FGB: variants seen among roughly 807,000 people sequenced by gnomAD.
FGB encodes the protein fibrinogen beta chain, also known as beta-fibrinogen.
Under a neutral mutation model 57.9 loss-of-function variants are expected in FGB, and 25 were observed. The ratio of observed to expected loss-of-function variants is 0.43; its 90% confidence interval spans 0.31 to 0.60. The LOEUF (loss-of-function observed/expected upper bound fraction) is 0.60, where lower values mean the gene tolerates loss of function less well. FGB is among the 20% of genes least tolerant of loss of function. FGB has a pLI of 0.08. For missense variants in FGB, 536 were observed against 598.4 expected, an observed-to-expected ratio of 0.90 and a Z score of 1.09; for synonymous variants, 203 against 199.2, an observed-to-expected ratio of 1.02 and a Z score of -0.16.
chr4:154,566,509 A>G lies in FGB; in HGVS notation c.327A>G (p.Gly109=). Reference sequence around the variant, plus strand: ...TTTAGGGGGTGTTGTGTCCTACAGGATGTCAGTTGCAAGAGGCTTTGCTAC... The same window carrying G: ...TTTAGGGGGTGTTGTGTCCTACAGGGTGTCAGTTGCAAGAGGCTTTGCTAC... ...DPDLGVLCPT[G]CQLQEALLQQ... is the part of the protein sequence containing the mutation. Residue 109 remains glycine, a synonymous_variant, in exon 3 of 8, where the codon GGA becomes GGG. Transcript: ENST00000302068. 6.2e-7 allele frequency: 1 copy of G among 1,614,108 alleles called. No homozygotes were observed. Among genetic ancestry groups the G allele is most frequent in the Non-Finnish European group, 8.5e-7 (1 of 1,180,020 alleles).
At chr4:154,568,347 A>C (rs780008638) in intron 4 of FGB, 34 bp from the exon 5 acceptor site, 1 of 1,086,364 alleles carries the variant, frequency 9.2e-7, no homozygotes, top group Non-Finnish European at 1.4e-6. Context: ...TTATGTCATA[A>C]ACCCCTGAAC....
At position 154,567,642 on chromosome 4, in the gene FGB, A is replaced by C. The variant is rs747127658; in HGVS notation, c.540A>C (p.Gln180His). The change falls in exon 4 of 8, where the codon CAA becomes CAC. Residue 180 changes from glutamine (Q) to histidine (H), a missense_variant. Coordinates refer to ENST00000302068, the MANE Select transcript of FGB (RefSeq NM_005141.5). ...NEYSSELEKH[Q>H]LYIDETVNSN... ...ACTCCTCAGAACTGGAAAAGCACCA[A>C]TTATATATAGATGAGACTGTGAATA... 5 of 1,613,070 alleles carry C rather than the reference A, an allele frequency of 3.1e-6. No individual in the cohort carries two copies. In the Admixed American group the frequency reaches 8.3e-5, roughly 27 times the overall value.
rs1037937555 is a variant in FGB, at chr4:154,571,106, G to C, written c.*456G>C. The C allele has an allele frequency of 1.9e-5, 5 of 262,432 alleles. No homozygotes were observed. The Admixed American group carries it at 2.1e-4, about 11-fold the overall frequency. The allele number at this position is 262,432 out of a possible 1,614,324, so 16.3% of individuals were successfully genotyped here. ...CAATAAGTTAATGTTTTCTTGTTTT[G>C]TAATCCACACATTCAATGAGTTAGG... On this transcript the variant is annotated 3_prime_UTR_variant, in exon 8 of 8. Coordinates refer to ENST00000302068, the MANE Select transcript of FGB (RefSeq NM_005141.5).
At position 154,569,565 on chromosome 4, in the gene FGB, C is replaced by A. The variant is rs1292310583; in HGVS notation, c.1010C>A (p.Pro337His). The change falls in exon 7 of 8, where the codon CCC (proline) becomes CAC (histidine). Residue 337 changes from proline (P) to histidine (H), a missense_variant. Pro to His is a moderately conservative substitution (Grantham distance 77). Coordinates refer to ENST00000302068, the MANE Select transcript of FGB (RefSeq NM_005141.5). ...DKISQLTRMGPTELLIEMEDW... is the reference protein window; with the variant it reads ...DKISQLTRMGHTELLIEMEDW... ...ATTAGCCAGCTTACCAGGATGGGAC[C>A]CACAGAACTTTTGATAGAAATGGAG... 8.7e-6 allele frequency: 14 copies of A among 1,613,838 alleles called. 1 individual carries two copies. The highest frequency in any genetic ancestry group is 1.1e-5 in the Non-Finnish European group (13 of 1,179,934).
chr4:154,570,054 A>T (rs1220333707), intron 7 of FGB, among the ~76,000 whole-genome samples: 1 of 152,222 alleles, frequency 6.6e-6, no homozygotes. Flanking sequence ...CTAGAATTTG[A>T]GCACAGTTAC....
intron 1 of FGB, chr4:154,565,554 T>C: frequency 2.0e-6 from 1 of 497,184 alleles, no homozygotes; most frequent in Non-Finnish European, 3.6e-6. Context: ...CTATTCATAA[T>C]CTGATACAGC....
In FGB at chr4:154,566,058, C is replaced by A; in HGVS notation, c.306+59C>A. On this transcript the variant is annotated intron_variant, in intron 2 of 7. Coordinates refer to ENST00000302068, the MANE Select transcript of FGB (RefSeq NM_005141.5). The stretch of plus-strand genomic sequence containing the variant: ...CTCTCATGCAGAGAAAGCCTGTAGT[C>A]ATGGCAGTCTGCTAATGTTTCACTG... The A allele has an allele frequency of 3.5e-6, 5 of 1,446,228 alleles. No individual in the cohort carries two copies. The South Asian group carries it at 3.5e-5, about 10-fold the overall frequency. The allele number at this position is 1,446,228 out of a possible 1,614,324, so 89.6% of individuals were successfully genotyped here.
At chr4:154,566,395 C>T (rs1293349163) in intron 2 of FGB, 94 bp from the exon 3 acceptor site, 7 of 1,153,064 alleles carry the variant, frequency 6.1e-6, no homozygotes, top group Non-Finnish European at 9.1e-6. Context: ...TTTATGTTGG[C>T]TAATCGTATC....
chr4:154,565,865 A>G lies in FGB; in HGVS notation c.172A>G (p.Ser58Gly). 1 of 1,614,188 alleles carries G rather than the reference A, an allele frequency of 6.2e-7. No individual in the cohort carries two copies. Among genetic ancestry groups the G allele is most frequent in the East Asian group, 2.2e-5 (1 of 44,880 alleles). The change falls in exon 2 of 8, where the codon AGC (serine) becomes GGC (glycine). Residue 58 changes from serine (S) to glycine (G), a missense_variant. Transcript: ENST00000302068. ...PLDKKREEAP[S>G]LRPAPPPISG... ...TGACAAGAAGAGAGAAGAGGCTCCCAGCCTGAGGCCTGCCCCACCGCCCAT... is the reference window on the plus strand; with the variant it reads ...TGACAAGAAGAGAGAAGAGGCTCCCGGCCTGAGGCCTGCCCCACCGCCCAT...
chr4:154,567,647 A>G lies in FGB; in HGVS notation c.545A>G (p.Tyr182Cys), dbSNP rs1366268950. The G allele has an allele frequency of 1.2e-6, 2 of 1,613,316 alleles. No individual in the cohort carries two copies. The highest frequency in any genetic ancestry group is 2.2e-5 in the South Asian group (2 of 91,066). Residue 182 changes from tyrosine (Y) to cysteine (C), a missense_variant, in exon 4 of 8, where the codon TAT (tyrosine) becomes TGT (cysteine). Around this residue, in one of 3 missense-constraint regions of FGB, gnomAD observed 354 missense variants for 383.4 expected, o/e 0.92. Coordinates refer to ENST00000302068, the MANE Select transcript of FGB (RefSeq NM_005141.5). ...YSSELEKHQL[Y>C]IDETVNSNIP... Reference sequence around the variant, plus strand: ...TCAGAACTGGAAAAGCACCAATTATATATAGATGAGACTGTGAATAGCAAT... The same window carrying G: ...TCAGAACTGGAAAAGCACCAATTATGTATAGATGAGACTGTGAATAGCAAT...
At position 154,569,211 on chromosome 4, in the gene FGB, G is replaced by A. The variant is rs769036186; in HGVS notation, c.862G>A (p.Gly288Ser). The change falls in exon 6 of 8, where the codon GGT becomes AGT. Residue 288 changes from glycine (G) to serine (S), a missense_variant. By Grantham distance (56) the Gly-to-Ser change is moderately conservative. Transcript: ENST00000302068. ...GWTVIQNRQD[G>S]SVDFGRKWDP... ...GACAGTGATTCAGAACCGTCAAGAC[G>A]GTAGTGTTGACTTTGGCAGGAAATG... 2.5e-6 allele frequency: 4 copies of A among 1,613,960 alleles called. No homozygotes were observed. The highest frequency in any genetic ancestry group is 3.4e-6 in the Non-Finnish European group (4 of 1,179,882).
At chr4:154,565,125 A>T (rs1488334427) in intron 1 of FGB, 8 of 438,632 alleles carry the variant, frequency 1.8e-5, no homozygotes, top group Non-Finnish European at 2.8e-5. Context: ...GCAATAAGTT[A>T]TTTAATCCTT....
Position 154,567,674 on chromosome 4 carries a change from T to G in FGB, c.572T>G (p.Ile191Ser). 1.2e-6 allele frequency: 2 copies of G among 1,613,776 alleles called. No homozygotes were observed. Among genetic ancestry groups the G allele is most frequent in the Non-Finnish European group, 1.7e-6 (2 of 1,179,686 alleles). Residue 191 changes from isoleucine to serine, a missense_variant, in exon 4 of 8, where the codon ATC becomes AGC. Coordinates refer to ENST00000302068, the MANE Select transcript of FGB (RefSeq NM_005141.5). ...LYIDETVNSN[I>S]PTNLRVLRSI... ...ATAGATGAGACTGTGAATAGCAATA[T>G]CCCAACTAACCTTCGTGTGCTTCGT...
intron 7 of FGB, 118 bp downstream of exon 7, chr4:154,569,917 TA>T: frequency 2.8e-6 from 3 of 1,072,368 alleles, no homozygotes; most frequent in African/African-American, 1.5e-5. Context: ...GCCACTGTCC[TA>T]AGCTCTTTAT....
chr4:154,564,146 C>T (rs959806130), intron 1 of FGB, among the ~76,000 whole-genome samples: 31 of 152,010 alleles, frequency 2.0e-4, no homozygotes, highest in African/African-American at 7.2e-4. Flanking sequence ...CTGCAAAGCA[C>T]TTTCACATTT....
At position 154,568,403 on chromosome 4, in the gene FGB, A is replaced by G. The variant is rs1730260785; in HGVS notation, c.741A>G (p.Lys247=). Residue 247 remains lysine (K), a synonymous_variant, in exon 5 of 8, where the codon AAA becomes AAG. Coordinates refer to ENST00000302068, the MANE Select transcript of FGB (RefSeq NM_005141.5). ...CAGAATGTGAGGAAATTATCAGGAA[A>G]GGAGGTGAAACATCTGAAATGTATC... ...SGKECEEIIR[K]GGETSEMYLI... is the part of the protein sequence containing the mutation. 3.8e-6 allele frequency: 6 copies of G among 1,597,118 alleles called. No individual in the cohort carries two copies. Among genetic ancestry groups the G allele is most frequent in the Admixed American group, 1.7e-5 (1 of 59,976 alleles).
At position 154,566,449 on chromosome 4, in the gene FGB, A is replaced by G. The variant is rs748567943; in HGVS notation, c.307-40A>G. 4.4e-6 allele frequency: 7 copies of G among 1,592,676 alleles called. No homozygotes were observed. The African/African-American group carries it at 9.4e-5, about 21-fold the overall frequency. The stretch of plus-strand genomic sequence containing the variant: ...CTATTTTAACAAATGTCCATGACCC[A>G]AATCCTTCATCTAATGCCTGCTATT... On this transcript the variant is annotated intron_variant, in intron 2 of 7. Coordinates refer to ENST00000302068, the MANE Select transcript of FGB (RefSeq NM_005141.5).
intron 3 of FGB, among the ~76,000 whole-genome samples, chr4:154,567,317 C>T (rs956440477): frequency 3.3e-5 from 5 of 152,162 alleles, no homozygotes; most frequent in Non-Finnish European, 1.5e-5. Flanking sequence ...CCTCTTTTCC[C>T]TCACCAAAGA....
Position 154,570,554 on chromosome 4 carries a change from C to T in FGB, c.1380C>T (p.Gly460=), listed in dbSNP as rs1239897286. Residue 460 remains glycine, a synonymous_variant, in exon 8 of 8, where the codon GGC becomes GGT. Transcript: ENST00000302068. Reference sequence around the variant, plus strand: ...ACACCTGGGACATGGCAAAGCATGGCACAGATGATGGTGTAGTATGGATGA... The same window carrying T: ...ACACCTGGGACATGGCAAAGCATGGTACAGATGATGGTGTAGTATGGATGA... ...GQYTWDMAKH[G]TDDGVVWMNW... is the part of the protein sequence containing the mutation. The T allele has an allele frequency of 1.9e-6, 3 of 1,614,000 alleles. No homozygotes were observed. The highest frequency in any genetic ancestry group is 2.2e-5 in the East Asian group (1 of 44,882).
Sources: gnomAD v4.1 joint callset for allele counts (sites outside exome capture counted in the v4.1 genomes callset) on GRCh38, gnomAD v4.1.1 for gene constraint, gnomAD v4.1.1 regional missense constraint, MANE v1.5 for transcripts, NCBI Gene and HGNC (gene_info 2026-07-23, HGNC 2026-07-21) for gene names.